Variants in PFDN5 observed in about 807,000 individuals in gnomAD.
PFDN5 encodes the protein c-myc binding protein.
In PFDN5, 13 loss-of-function variants were observed where a neutral mutation model predicts 21.5. That is an observed-to-expected ratio of 0.60 (90% confidence interval 0.39 to 0.96). The LOEUF (loss-of-function observed/expected upper bound fraction) is 0.96, where lower values mean the gene tolerates loss of function less well. Ranked by LOEUF, PFDN5 falls within the 40% of genes least tolerant of loss-of-function variation. The pLI, the probability that PFDN5 is intolerant of heterozygous loss-of-function variation, is 0.00. For synonymous variants in PFDN5, 84 were observed against 68.9 expected (o/e 1.22, Z -1.08); for missense variants, 188 against 186.2 (o/e 1.01, Z -0.06).
Position 53,299,253 on chromosome 12 carries a change from T to C in PFDN5, c.389-16T>C. 1 of 1,599,440 alleles carries C rather than the reference T, an allele frequency of 6.3e-7. No homozygotes were observed. Among genetic ancestry groups the C allele is most frequent in the Non-Finnish European group, 8.6e-7 (1 of 1,167,570 alleles). ...CCTTTTTGCTTCTAACCTTTGACTCTTATTTTTTTCCACAGCCGTCATGGA... is the reference window on the plus strand; with the variant it reads ...CCTTTTTGCTTCTAACCTTTGACTCCTATTTTTTTCCACAGCCGTCATGGA... On this transcript the variant is annotated splice_polypyrimidine_tract_variant and intron_variant, in intron 5 of 5. Transcript: ENST00000334478.
At chr12:53,296,305 T>A in intron 3 of PFDN5, 30 bp downstream of exon 3, 1 of 1,579,568 alleles carries the variant, frequency 6.3e-7, no homozygotes, top group Non-Finnish European at 8.7e-7. Context: ...GGCTACCTGC[T>A]GCCTTCTCCC....
At chr12:53,297,133 TA>T (rs1038886901) in intron 3 of PFDN5, 27 of 149,410 alleles carry the variant, frequency 1.8e-4, no homozygotes, top group Admixed American at 2.7e-4. Flanking sequence ...GGGAATGGTT[TA>T]AAAAAAAAAA....
chr12:53,297,698 T>C lies in PFDN5; in HGVS notation c.208-152T>C. On this transcript the variant is annotated intron_variant, in intron 3 of 5. Coordinates refer to ENST00000334478, the MANE Select transcript of PFDN5 (RefSeq NM_002624.4). Reference sequence around the variant, plus strand: ...TCTCTGTCTTCTTTCCATTTGGAGTTATAGGTATTGTTCTAAGGCCTCCAG... The same window carrying C: ...TCTCTGTCTTCTTTCCATTTGGAGTCATAGGTATTGTTCTAAGGCCTCCAG... 1.1e-5 allele frequency: 7 copies of C among 630,384 alleles called. No individual in the cohort carries two copies. In the South Asian group the frequency reaches 1.3e-4, roughly 12 times the overall value. The allele number at this position is 630,384 out of a possible 1,614,324, so 39.0% of individuals were successfully genotyped here.
rs1944175998 is a variant in PFDN5, at chr12:53,297,997, G to C, written c.283-48G>C. On this transcript the variant is annotated intron_variant, in intron 4 of 5. Transcript: ENST00000334478. ...AGGGGAAGCTCTAGAGCGCAGCATGGCCAGAGGGAGTCTCCTTTTAGCCCC... is the reference window on the plus strand; with the variant it reads ...AGGGGAAGCTCTAGAGCGCAGCATGCCCAGAGGGAGTCTCCTTTTAGCCCC... 3 of 1,559,364 alleles carry C rather than the reference G, an allele frequency of 1.9e-6. No individual in the cohort carries two copies. In the East Asian group the frequency reaches 6.7e-5, roughly 35 times the overall value.
Position 53,295,886 on chromosome 12 carries a change from G to C in PFDN5, c.120G>C (p.Gln40His). 1 of 1,612,494 alleles carries C rather than the reference G, an allele frequency of 6.2e-7. No homozygotes were observed. Among genetic ancestry groups the C allele is most frequent in the Non-Finnish European group, 8.5e-7 (1 of 1,178,542 alleles). The change falls in exon 2 of 6, where the codon CAG becomes CAC. Residue 40 changes from glutamine to histidine, a missense_variant. Gln to His is a conservative substitution (Grantham distance 24, BLOSUM62 0). Transcript: ENST00000334478. ...STSIAQLKVVQTKYVEAKDCL... is the reference protein window; with the variant it reads ...STSIAQLKVVHTKYVEAKDCL... Reference sequence around the variant, plus strand: ...CCATTGCTCAGCTCAAAGTGGTACAGACCAAGTATGTGGAAGCCAAGGACT... The same window carrying C: ...CCATTGCTCAGCTCAAAGTGGTACACACCAAGTATGTGGAAGCCAAGGACT...
intron 4 of PFDN5, 35 bp downstream of exon 4, chr12:53,297,959 G>T (rs1368177804): frequency 1.9e-6 from 3 of 1,589,124 alleles, no homozygotes; most frequent in Non-Finnish European, 1.7e-6. Flanking sequence ...CTCTAAACAG[G>T]GAAGGGAAAT....
At chr12:53,296,211 T>C in intron 2 of PFDN5, 33 bp from the exon 3 acceptor site, 1 of 1,602,148 alleles carries the variant, frequency 6.2e-7, no homozygotes, top group Non-Finnish European at 8.5e-7. Flanking sequence ...GCCGCTAACC[T>C]TCCCCAGGTG....
intron 3 of PFDN5, 46 bp from the exon 4 acceptor site, chr12:53,297,804 G>T: frequency 7.0e-7 from 1 of 1,431,236 alleles, no homozygotes; most frequent in Non-Finnish European, 9.9e-7. Flanking sequence ...CGGAATCATG[G>T]CTCATGCTGG....
chr12:53,296,710 G>T, intron 3 of PFDN5: 6 of 295,798 alleles, frequency 2.0e-5, no homozygotes, highest in South Asian at 1.8e-4. Flanking sequence ...ACTGCCCCCG[G>T]CCAAGAATAC....
Position 53,299,409 on chromosome 12 carries a change from G to A in PFDN5, c.*64G>A. ...GCGTGGCTTCCTGGTGATGGGAAGG[G>A]TCTTGTGTTTTAATGCCAATAAATG... On this transcript the variant is annotated 3_prime_UTR_variant, in exon 6 of 6. Transcript: ENST00000334478. 9.4e-7 allele frequency: 1 copy of A among 1,063,350 alleles called. No homozygotes were observed. The highest frequency in any genetic ancestry group is 1.4e-6 in the Non-Finnish European group (1 of 699,680). The allele number at this position is 1,063,350 out of a possible 1,614,324, so 65.9% of individuals were successfully genotyped here.
Position 53,295,650 on chromosome 12 carries a change from G to A in PFDN5, c.72+11G>A, listed in dbSNP as rs1465156791. On this transcript the variant is annotated intron_variant, in intron 1 of 5. Transcript: ENST00000334478. The stretch of plus-strand genomic sequence containing the variant: ...AACCAGCTGGACCAGGTGGGGACGG[G>A]CCCCAGAGGCACCTCTTTCCTGCTC... The A allele has an allele frequency of 1.2e-6, 2 of 1,609,026 alleles. No homozygotes were observed. Among genetic ancestry groups the A allele is most frequent in the African/African-American group, 2.7e-5 (2 of 74,858 alleles).
At chr12:53,296,017 C>T in intron 2 of PFDN5, 76 bp downstream of exon 2, 9 of 934,318 alleles carry the variant, frequency 9.6e-6, no homozygotes, top group Non-Finnish European at 1.4e-5. Flanking sequence ...CCCAGTTTTT[C>T]TTACCTGAAA....
intron 1 of PFDN5, 97 bp downstream of exon 1, chr12:53,295,736 C>A: frequency 7.6e-7 from 1 of 1,319,342 alleles, no homozygotes; most frequent in Non-Finnish European, 1.1e-6. Context: ...GCCTACCTTT[C>A]CCAGGCGAAA....
Position 53,297,831 on chromosome 12 carries a change from C to T in PFDN5, c.208-19C>T, listed in dbSNP as rs751055980. The T allele has an allele frequency of 6.2e-7, 1 of 1,600,558 alleles. No homozygotes were observed. Among genetic ancestry groups the T allele is most frequent in the South Asian group, 1.1e-5 (1 of 90,746 alleles). On this transcript the variant is annotated intron_variant, in intron 3 of 5. Transcript: ENST00000334478. Reference sequence around the variant, plus strand: ...TCATGCTGGGCTGGCTAGTTTTTCCCTTAATTCTTGCTTCTCAGATGTATG... The same window carrying T: ...TCATGCTGGGCTGGCTAGTTTTTCCTTTAATTCTTGCTTCTCAGATGTATG...
At chr12:53,296,172 T>C (rs1367755584) in intron 2 of PFDN5, 72 bp from the exon 3 acceptor site, 4 of 1,339,392 alleles carry the variant, frequency 3.0e-6, no homozygotes, top group Non-Finnish European at 3.2e-6. Context: ...TGTGCCCTGT[T>C]GGAACTCTCT....
chr12:53,296,330 C>A, intron 3 of PFDN5, 55 bp downstream of exon 3: 2 of 1,406,380 alleles, frequency 1.4e-6, no homozygotes, highest in South Asian at 1.2e-5. Context: ...TCCTTCACTC[C>A]CCCAAAAAGC....
chr12:53,298,606 C>A, intron 5 of PFDN5: 1 of 161,744 alleles, frequency 6.2e-6, no homozygotes, highest in Non-Finnish European at 1.4e-5. Context: ...CTGTTATAAT[C>A]AGGATTCAGA....
intron 3 of PFDN5, 136 bp downstream of exon 3, chr12:53,296,411 T>C: frequency 1.3e-6 from 1 of 754,800 alleles, no homozygotes; most frequent in Non-Finnish European, 2.3e-6. Flanking sequence ...ACCCTTTTTT[T>C]TTTTCTTTCT....
chr12:53,296,048 C>A, intron 2 of PFDN5, 107 bp downstream of exon 2: 1 of 790,708 alleles, frequency 1.3e-6, no homozygotes, highest in East Asian at 2.6e-5. Flanking sequence ...CATTACATAT[C>A]GTATACCGCT....
Sources: allele counts gnomAD v4.1 joint callset, GRCh38; gene constraint gnomAD v4.1.1; transcripts MANE v1.5; gene names NCBI Gene and HGNC (gene_info 2026-07-23, HGNC 2026-07-21).